NRDE2: variants seen among roughly 807,000 people sequenced by gnomAD.
NRDE2 encodes the protein nuclear exosome regulator NRDE2.
A neutral mutation model predicts 124.2 loss-of-function variants in NRDE2; 76 were observed. The observed-to-expected ratio is 0.61, with a 90% CI of 0.51 to 0.74. NRDE2 has a LOEUF of 0.74. Ranked by LOEUF, NRDE2 falls within the 30% of genes least tolerant of loss-of-function variation. NRDE2 has a pLI of 0.00. For missense variants in NRDE2, 1,314 were observed against 1,417.3 expected (o/e 0.93, Z 1.17); for synonymous variants, 489 against 528.1 (o/e 0.93, Z 1.01).
chr14:90,293,526 G>A (rs570778975), intron 8 of NRDE2, among the ~76,000 whole-genome samples: 5 of 152,254 alleles, frequency 3.3e-5, no homozygotes, highest in Non-Finnish European at 7.4e-5. Flanking sequence ...CTGGGATTAC[G>A]GGCATGAGTC....
chr14:90,319,073 C>T (rs1035649590), intron 1 of NRDE2, among the ~76,000 whole-genome samples: 9 of 152,134 alleles, frequency 5.9e-5, no homozygotes, highest in African/African-American at 1.9e-4. Context: ...TTTCTGCTTA[C>T]CCCTAATTTC....
At chr14:90,331,056 A>G (rs1263755795) in intron 1 of NRDE2, among the ~76,000 whole-genome samples, 1 of 151,842 alleles carries the variant, frequency 6.6e-6, no homozygotes, top group African/African-American at 2.4e-5. Flanking sequence ...CCTCCTGAGG[A>G]GCTGATACTA....
intron 12 of NRDE2, among the ~76,000 whole-genome samples, chr14:90,285,260 G>A (rs1365910158): frequency 1.7e-5 from 2 of 120,560 alleles, no homozygotes; most frequent in African/African-American, 3.1e-5. Context: ...AACAGAATGA[G>A]ACCTTGTCTT....
At chr14:90,296,710 C>A (rs1001827409) in intron 8 of NRDE2, among the ~76,000 whole-genome samples, 1 of 152,202 alleles carries the variant, frequency 6.6e-6, no homozygotes, top group Non-Finnish European at 1.5e-5. Flanking sequence ...GAACTTTCAA[C>A]GAAATCATCA....
intron 1 of NRDE2, among the ~76,000 whole-genome samples, chr14:90,328,168 G>A (rs1158649276): frequency 6.6e-6 from 1 of 150,754 alleles, no homozygotes; most frequent in African/African-American, 2.4e-5. Context: ...TTAGCCAGGA[G>A]TGGTGGCGCA....
intron 12 of NRDE2, among the ~76,000 whole-genome samples, chr14:90,285,268 C>G (rs1242880102): frequency 8.1e-5 from 4 of 49,100 alleles, no homozygotes; most frequent in Non-Finnish European, 1.6e-4. Context: ...GAGACCTTGT[C>G]TTAAAAAAAA....
chr14:90,268,422 T>C lies in NRDE2; in HGVS notation c.*9914A>G, dbSNP rs1329789503. 6.2e-7 allele frequency: 1 copy of C among 1,613,592 alleles called. No individual in the cohort carries two copies. The highest frequency in any genetic ancestry group is 8.5e-7 in the Non-Finnish European group (1 of 1,179,758). Reference sequence around the variant, plus strand: ...GCCATTGGGACAAAAAGGTAGACTTTCTCATACTTATTTTGCCTTGTTTAG... The same window carrying C: ...GCCATTGGGACAAAAAGGTAGACTTCCTCATACTTATTTTGCCTTGTTTAG... On this transcript the variant is annotated 3_prime_UTR_variant, in exon 14 of 14. Transcript: ENST00000354366.
Position 90,316,670 on chromosome 14 carries a change from C to A in NRDE2, c.315G>T (p.Ser105=). ...HKKTKRKHGP[S]SSSRSETDTD... ...TGTCTGTCTCAGACCTGCTGCTACT[C>A]GACGGCCCATGCTTCCTCTTTGTTT... The change falls in exon 3 of 14, where the codon TCG becomes TCT. Residue 105 remains serine (S), a synonymous_variant. Transcript: ENST00000354366. The A allele has an allele frequency of 1.2e-6, 2 of 1,614,174 alleles. No homozygotes were observed. The highest frequency in any genetic ancestry group is 1.7e-6 in the Non-Finnish European group (2 of 1,180,016).
At position 90,270,177 on chromosome 14, in the gene NRDE2, C is replaced by A; in HGVS notation, c.*8159G>T. 1 of 1,611,838 alleles carries A rather than the reference C, an allele frequency of 6.2e-7. No homozygotes were observed. The highest frequency in any genetic ancestry group is 8.5e-7 in the Non-Finnish European group (1 of 1,178,356). ...CTGGGTTTGGATGTTGGTGTGACTT[C>A]AAATCTCTTTGTACCTGCAGGCCGC... On this transcript the variant is annotated 3_prime_UTR_variant, in exon 14 of 14. Transcript: ENST00000354366.
chr14:90,301,204 A>T lies in NRDE2; in HGVS notation c.1545+35T>A, dbSNP rs199869635. The stretch of plus-strand genomic sequence containing the variant: ...CCCCTCTCCCTCCAGAGAAAGAGCC[A>T]GGAAGAGAGAGATGAGGCGAGCAGA... On this transcript the variant is annotated intron_variant, in intron 7 of 13. Coordinates refer to ENST00000354366, the MANE Select transcript of NRDE2 (RefSeq NM_017970.4). 1,484 of 1,606,402 alleles carry T rather than the reference A, an allele frequency of 9.2e-4. 4 individuals carry two copies. In the Middle Eastern group the frequency reaches 0.013, roughly 14 times the overall value.
chr14:90,270,587 C>T lies in NRDE2; in HGVS notation c.*7749G>A, dbSNP rs920289340. The stretch of plus-strand genomic sequence containing the variant: ...ATCACCTGGAGCCACAAGGCTGAGT[C>T]GCTGGTACTAAGCCTTAGGCCCAGG... On this transcript the variant is annotated 3_prime_UTR_variant, in exon 14 of 14. Transcript: ENST00000354366. 32 of 431,180 alleles carry T rather than the reference C, an allele frequency of 7.4e-5. No homozygotes were observed. The highest frequency in any genetic ancestry group is 1.0e-4 in the Non-Finnish European group (26 of 248,648). 26.7% of individuals were successfully genotyped at this position (431,180 alleles called of 1,614,324 possible). A position where few individuals can be genotyped will look rare whatever the true frequency, so the allele number is the denominator to read the frequency against.
chr14:90,290,615 A>C lies in NRDE2; in HGVS notation c.1843-8T>G. 1 of 1,588,774 alleles carries C rather than the reference A, an allele frequency of 6.3e-7. No individual in the cohort carries two copies. The highest frequency in any genetic ancestry group is 8.5e-7 in the Non-Finnish European group (1 of 1,169,714). ...AATATCATCAAACAACACCTGCAAC[A>C]AAGACAAAATAAAGCGACCCATGTA... On this transcript the variant is annotated splice_region_variant and splice_polypyrimidine_tract_variant and intron_variant, in intron 9 of 13. Coordinates refer to ENST00000354366, the MANE Select transcript of NRDE2 (RefSeq NM_017970.4).
chr14:90,295,858 C>A (rs1364128110), intron 8 of NRDE2, among the ~76,000 whole-genome samples: 1 of 152,180 alleles, frequency 6.6e-6, no homozygotes, highest in Non-Finnish European at 1.5e-5. Flanking sequence ...GAAAGAAATT[C>A]ATAAATTCAG....
At position 90,285,658 on chromosome 14, in the gene NRDE2, G is replaced by A. The variant is rs867372435; in HGVS notation, c.3297+696C>T. ...ATTACATTTTTTTTTTAAGAGACAAGGTCTCATTTTGTCACCCAGGCCGGA... is the reference window on the plus strand; with the variant it reads ...ATTACATTTTTTTTTTAAGAGACAAAGTCTCATTTTGTCACCCAGGCCGGA... On this transcript the variant is annotated intron_variant, in intron 12 of 13. Coordinates refer to ENST00000354366, the MANE Select transcript of NRDE2 (RefSeq NM_017970.4). Among the ~76,000 whole-genome samples, 37 of 151,862 alleles carry A rather than the reference G, an allele frequency of 2.4e-4. 1 individual carries two copies. Among genetic ancestry groups the A allele is most frequent in the African/African-American group, 8.0e-4 (33 of 41,432 alleles).
intron 1 of NRDE2, among the ~76,000 whole-genome samples, chr14:90,329,273 T>C (rs1885572283): frequency 6.6e-6 from 1 of 152,228 alleles, no homozygotes; most frequent in Admixed American, 6.5e-5. Flanking sequence ...GGCTCCTCTT[T>C]ATGCCACTAC....
chr14:90,311,376 A>T (rs532443840), intron 4 of NRDE2, among the ~76,000 whole-genome samples: 2 of 152,212 alleles, frequency 1.3e-5, no homozygotes, highest in East Asian at 3.9e-4. Context: ...AGTTCCCATA[A>T]TCCCCACGTG....
At chr14:90,299,172 G>A (rs1192926018) in intron 7 of NRDE2, among the ~76,000 whole-genome samples, 17 of 152,012 alleles carry the variant, frequency 1.1e-4, no homozygotes, top group Non-Finnish European at 4.4e-5. Context: ...TCAGCCTCCC[G>A]AGTAGCTGGG....
At chr14:90,283,763 A>G (rs58798491) in intron 12 of NRDE2, among the ~76,000 whole-genome samples, 2,752 of 149,350 alleles carry the variant, frequency 0.018, 85 homozygotes, top group African/African-American at 0.064. Context: ...AGGCTGGAGT[A>G]CAGTGGCGCA....
intron 12 of NRDE2, among the ~76,000 whole-genome samples, chr14:90,283,712 T>TG (rs1491190729): frequency 3.4e-5 from 5 of 147,932 alleles, no homozygotes; most frequent in African/African-American, 7.6e-5. Context: ...GCAGGTTTTT[T>TG]GTTTTTTTTT....
Sources: gnomAD v4.1 joint callset for allele counts (sites outside exome capture counted in the v4.1 genomes callset) on GRCh38, gnomAD v4.1.1 for gene constraint, MANE v1.5 for transcripts, NCBI Gene and HGNC (gene_info 2026-07-23, HGNC 2026-07-21) for gene names.